Variants in PACSIN2 observed in about 807,000 individuals in gnomAD.
PACSIN2 encodes the protein protein kinase C and casein kinase substrate in neurons 2, also known as protein kinase C and casein kinase substrate in neurons protein 2.
PACSIN2 carries 25 observed loss-of-function variants against 63.8 expected under a neutral mutation model. The ratio of observed to expected loss-of-function variants is 0.39; its 90% confidence interval spans 0.29 to 0.55. The LOEUF (loss-of-function observed/expected upper bound fraction) is 0.55, where lower values mean the gene tolerates loss of function less well. Among genes scored for constraint, PACSIN2 ranks in the 20% least tolerant of loss-of-function variants. PACSIN2 has a pLI of 0.62. For synonymous variants in PACSIN2, 255 were observed against 256.2 expected (o/e 1.00, Z 0.05); for missense variants, 518 against 646.9 (o/e 0.80, Z 2.16).
Position 42,876,901 on chromosome 22 carries a change from T to C in PACSIN2, c.1138A>G (p.Thr380Ala), listed in dbSNP as rs781568223. Reference sequence around the variant, plus strand: ...TTGTTCACCAACTTTTTGGCCTTAGTGTCGTCCTTCTCACTGACGGTGCTG... The same window carrying C: ...TTGTTCACCAACTTTTTGGCCTTAGCGTCGTCCTTCTCACTGACGGTGCTG... ...TGSTVSEKDD[T>A]KAKNVSSYEK... The change falls in exon 9 of 11, where the codon ACT (threonine) becomes GCT (alanine). Residue 380 changes from threonine (T) to alanine (A), a missense_variant. Thr to Ala is a moderately conservative substitution (Grantham distance 58, BLOSUM62 0). This residue lies in a region of PACSIN2 where 507 missense variants were observed against 612.3 expected (regional missense o/e 0.83). Coordinates refer to ENST00000263246, the MANE Select transcript of PACSIN2 (RefSeq NM_001184970.3). 4.3e-6 allele frequency: 7 copies of C among 1,614,076 alleles called. No individual in the cohort carries two copies. The highest frequency in any genetic ancestry group is 1.3e-5 in the African/African-American group (1 of 74,926).
At chr22:42,953,498 G>A (rs1050235932) in intron 1 of PACSIN2, among the ~76,000 whole-genome samples, 1 of 152,130 alleles carries the variant, frequency 6.6e-6, no homozygotes, top group Non-Finnish European at 1.5e-5. Flanking sequence ...AAGAAGAAAC[G>A]TAACAGCATT....
chr22:42,935,017 G>A (rs559398130), intron 1 of PACSIN2, among the ~76,000 whole-genome samples: 5 of 151,658 alleles, frequency 3.3e-5, no homozygotes, highest in African/African-American at 7.3e-5. Context: ...CCAGGTTCAC[G>A]CCATTCTCCT....
At chr22:42,936,926 G>C (rs959877837) in intron 1 of PACSIN2, among the ~76,000 whole-genome samples, 18 of 145,276 alleles carry the variant, frequency 1.2e-4, no homozygotes, top group African/African-American at 4.2e-4. Context: ...AAGGGGGGGG[G>C]GCAGGGGCAG....
chr22:42,905,362 G>C (rs1931001779), intron 2 of PACSIN2, among the ~76,000 whole-genome samples: 1 of 152,266 alleles, frequency 6.6e-6, no homozygotes, highest in Non-Finnish European at 1.5e-5. Context: ...AGGACGCTCA[G>C]AGACCACTCG....
intron 2 of PACSIN2, among the ~76,000 whole-genome samples, chr22:42,900,016 T>TC (rs1930566295): frequency 6.6e-6 from 1 of 151,474 alleles, no homozygotes; most frequent in Non-Finnish European, 1.5e-5. Context: ...GATGAGCGAG[T>TC]CCCCCTCCTA....
chr22:42,974,148 A>C (rs1410885364), intron 1 of PACSIN2, among the ~76,000 whole-genome samples: 2 of 152,186 alleles, frequency 1.3e-5, no homozygotes, highest in Non-Finnish European at 2.9e-5. Context: ...AATCTATGTA[A>C]GTCTCCTTCC....
At position 42,893,586 on chromosome 22, in the gene PACSIN2, G is replaced by A. The variant is rs756372354; in HGVS notation, c.88C>T (p.Arg30Trp). Residue 30 changes from arginine (R) to tryptophan (W), a missense_variant, in exon 3 of 11, where the codon CGG becomes TGG. Arg to Trp is a moderately radical substitution (Grantham distance 101, BLOSUM62 -3). This residue lies in a region of PACSIN2 where 507 missense variants were observed against 612.3 expected (regional missense o/e 0.83). Coordinates refer to ENST00000263246, the MANE Select transcript of PACSIN2 (RefSeq NM_001184970.3). ...EVGNYKRTVK[R>W]IDDGHRLCSD... ...CACAGGCGGTGGCCATCGTCGATCC[G>A]CTTCACAGTCCGCTTGTAGTTCCCG... 1.4e-5 allele frequency: 23 copies of A among 1,614,078 alleles called. No individual in the cohort carries two copies. In the Admixed American group the frequency reaches 3.2e-4, roughly 22 times the overall value.
At chr22:42,888,883 G>T in intron 4 of PACSIN2, 85 bp from the exon 5 acceptor site, 1 of 1,404,684 alleles carries the variant, frequency 7.1e-7, no homozygotes, top group African/African-American at 1.4e-5. Flanking sequence ...GGGAATGCTT[G>T]TGCTACCAAG....
At chr22:42,979,803 C>T (rs1255865028) in intron 1 of PACSIN2, among the ~76,000 whole-genome samples, 2 of 152,256 alleles carry the variant, frequency 1.3e-5, no homozygotes, top group Admixed American at 6.5e-5. Flanking sequence ...AATGGATTAA[C>T]GGATCCCCCT....
rs1928677564 is a variant in PACSIN2 at position 42,876,899 on chromosome 22, A to G, written c.1140T>C (p.Thr380=). 3 of 1,614,012 alleles carry G rather than the reference A, an allele frequency of 1.9e-6. No homozygotes were observed. The highest frequency in any genetic ancestry group is 2.7e-5 in the African/African-American group (2 of 74,914). Residue 380 remains threonine, a synonymous_variant, in exon 9 of 11, where the codon ACT becomes ACC. Transcript: ENST00000263246. The part of the protein sequence containing the change: ...TGSTVSEKDD[T]KAKNVSSYEK... ...ATTTGTTCACCAACTTTTTGGCCTTAGTGTCGTCCTTCTCACTGACGGTGC... is the reference window on the plus strand; with the variant it reads ...ATTTGTTCACCAACTTTTTGGCCTTGGTGTCGTCCTTCTCACTGACGGTGC...
chr22:43,014,209 C>T lies in PACSIN2; in HGVS notation c.-78+812G>A, dbSNP rs577968498. Among the ~76,000 whole-genome samples the T allele has an allele frequency of 1.1e-4, 17 of 151,384 alleles. No homozygotes were observed. The South Asian group carries it at 2.3e-3, about 20-fold the overall frequency. ...GAGTAAGGAGTTCGGATTTCTGATTCAGTGAGTCTGGGGAAACTCTGAGGA... is the reference window on the plus strand; with the variant it reads ...GAGTAAGGAGTTCGGATTTCTGATTTAGTGAGTCTGGGGAAACTCTGAGGA... On this transcript the variant is annotated intron_variant, in intron 1 of 10. Transcript: ENST00000263246.
chr22:42,896,697 C>T (rs960382701), intron 2 of PACSIN2, among the ~76,000 whole-genome samples: 7 of 152,194 alleles, frequency 4.6e-5, no homozygotes, highest in African/African-American at 1.7e-4. Context: ...CGAACTGCTA[C>T]CCAAAGTGAC....
intron 1 of PACSIN2, among the ~76,000 whole-genome samples, chr22:42,975,547 CTT>C (rs1158801695): frequency 1.4e-5 from 2 of 148,034 alleles, no homozygotes; most frequent in Non-Finnish European, 3.0e-5. Context: ...TTATGAGTCT[CTT>C]TTTATAAAAT....
intron 4 of PACSIN2, among the ~76,000 whole-genome samples, chr22:42,890,691 G>A (rs556999154): frequency 6.6e-6 from 1 of 152,178 alleles, no homozygotes; most frequent in Admixed American, 6.5e-5. Flanking sequence ...CTCCAGCCTG[G>A]GAGAGAGAGT....
chr22:42,955,229 A>G (rs1933863758), intron 1 of PACSIN2, among the ~76,000 whole-genome samples: 3 of 152,302 alleles, frequency 2.0e-5, no homozygotes, highest in South Asian at 4.2e-4. Flanking sequence ...AGAGTCTAGC[A>G]CAGTGCCTGA....
Position 42,893,506 on chromosome 22 carries a change from C to G in PACSIN2, c.168G>C (p.Ala56=). The part of the protein sequence containing the change: ...HERARIEKAY[A]QQLTEWARRW... Reference sequence around the variant, plus strand: ...GCCGGGCCCACTCAGTGAGCTGCTGCGCATACGCCTTCTCGATGCGCGCCC... The same window carrying G: ...GCCGGGCCCACTCAGTGAGCTGCTGGGCATACGCCTTCTCGATGCGCGCCC... The change falls in exon 3 of 11, where the codon GCG becomes GCC. Residue 56 remains alanine, a synonymous_variant. Coordinates refer to ENST00000263246, the MANE Select transcript of PACSIN2 (RefSeq NM_001184970.3). 1.2e-6 allele frequency: 2 copies of G among 1,614,084 alleles called. No homozygotes were observed. Among genetic ancestry groups the G allele is most frequent in the Non-Finnish European group, 1.7e-6 (2 of 1,180,044 alleles).
intron 1 of PACSIN2, among the ~76,000 whole-genome samples, chr22:42,983,489 C>CAAAAAAAAAAAAAA (rs775403003): frequency 2.4e-5 from 2 of 82,294 alleles, no homozygotes; most frequent in African/African-American, 5.0e-5. Flanking sequence ...GACTCCATCT[C>CAAAAAAAAAAAAAA]AAAAAAAAAA....
chr22:42,947,685 G>GA (rs1309410052), intron 1 of PACSIN2, among the ~76,000 whole-genome samples: 25 of 131,568 alleles, frequency 1.9e-4, no homozygotes, highest in African/African-American at 4.5e-4. Context: ...TGGGGGGGGG[G>GA]ACCTCTTAAT....
At chr22:42,872,794 C>T (rs532878859) in intron 10 of PACSIN2, among the ~76,000 whole-genome samples, 14 of 152,396 alleles carry the variant, frequency 9.2e-5, no homozygotes, top group African/African-American at 3.4e-4. Context: ...CTCCCACTGT[C>T]GTGCCGCTTC....
Sources: gnomAD v4.1 joint callset for allele counts (sites outside exome capture counted in the v4.1 genomes callset) on GRCh38, gnomAD v4.1.1 for gene constraint, gnomAD v4.1.1 regional missense constraint, MANE v1.5 for transcripts, NCBI Gene and HGNC (gene_info 2026-07-23, HGNC 2026-07-21) for gene names.